The following NMNAT1 variants were observed in gnomAD, a reference collection of about 807,000 sequenced individuals.
The protein encoded by NMNAT1 is nicotinamide nucleotide adenylyltransferase 1.
Under a neutral mutation model 16.7 loss-of-function variants are expected in NMNAT1, and 11 were observed. The observed-to-expected ratio is 0.66, with a 90% CI of 0.41 to 1.09. NMNAT1 has a LOEUF of 1.09. Ranked by LOEUF, NMNAT1 falls within the 50% of genes least tolerant of loss-of-function variation. The pLI is 0.00. For synonymous variants in NMNAT1, 110 were observed against 119.8 expected (o/e 0.92, Z 0.53); for missense variants, 280 against 332.3 (o/e 0.84, Z 1.22).
chr1:9,960,713 C>G (rs758808301), intron 1 of NMNAT1: 1 of 152,162 alleles, frequency 6.6e-6, no homozygotes, highest in Non-Finnish European at 1.5e-5. Context: ...GGGACACTTA[C>G]AGCCTGAGCT....
intron 1 of NMNAT1, among the ~76,000 whole-genome samples, chr1:9,970,620 C>T (rs544357566): frequency 1.3e-5 from 2 of 150,834 alleles, no homozygotes; most frequent in African/African-American, 4.9e-5. Context: ...ACCTGGGAGG[C>T]GGAGCTTGCA....
At chr1:9,962,053 C>T (rs1395906295) in intron 1 of NMNAT1, among the ~76,000 whole-genome samples, 1 of 152,008 alleles carries the variant, frequency 6.6e-6, no homozygotes, top group Non-Finnish European at 1.5e-5. Flanking sequence ...CAGGCATGAC[C>T]TACCGCGCCC....
At chr1:9,974,613 C>T (rs1641765310) in intron 2 of NMNAT1, among the ~76,000 whole-genome samples, 1 of 152,046 alleles carries the variant, frequency 6.6e-6, no homozygotes, top group African/African-American at 2.4e-5. Flanking sequence ...TGGTCTTGAT[C>T]TCCTGACCTC....
At chr1:9,991,538 G>C in the NMNAT1 span, among the ~76,000 whole-genome samples, 1 of 152,086 alleles carries the variant, frequency 6.6e-6, no homozygotes, top group Non-Finnish European at 1.5e-5. Context: ...TGTCACTCTG[G>C]CTTCTCAATG....
chr1:9,974,383 C>G (rs1029569749), intron 2 of NMNAT1, among the ~76,000 whole-genome samples: 5 of 109,310 alleles, frequency 4.6e-5, no homozygotes, highest in African/African-American at 1.7e-4. Flanking sequence ...GCCACCACAT[C>G]TGGCTAATTT....
chr1:9,970,509 G>A (rs539743594), intron 1 of NMNAT1, among the ~76,000 whole-genome samples: 2 of 152,128 alleles, frequency 1.3e-5, no homozygotes, highest in Non-Finnish European at 2.9e-5. Flanking sequence ...CTAACATGAT[G>A]AAACCCCGTC....
the NMNAT1 span, among the ~76,000 whole-genome samples, chr1:9,996,731 G>A: frequency 6.6e-6 from 1 of 152,108 alleles, no homozygotes; most frequent in Non-Finnish European, 1.5e-5. Context: ...ATGACCAGGA[G>A]GTAACAAGCA....
chr1:9,994,487 A>G, the NMNAT1 span, among the ~76,000 whole-genome samples: 1 of 151,818 alleles, frequency 6.6e-6, no homozygotes, highest in Non-Finnish European at 1.5e-5. Flanking sequence ...CTGGAGTGCA[A>G]TGGCACGGTC....
At chr1:9,974,289 G>A (rs1041341773) in intron 2 of NMNAT1, among the ~76,000 whole-genome samples, 1 of 151,174 alleles carries the variant, frequency 6.6e-6, no homozygotes, top group African/African-American at 2.4e-5. Context: ...ACAGTGGCAT[G>A]ATCACAGCTC....
At chr1:9,990,588 C>T in the NMNAT1 span, among the ~76,000 whole-genome samples, 62 of 152,152 alleles carry the variant, frequency 4.1e-4, no homozygotes, top group Non-Finnish European at 6.6e-4. Flanking sequence ...GGAGCCAGAC[C>T]AAACTGCCTA....
rs369028149 is a variant in NMNAT1 at position 9,953,765 on chromosome 1, G to A, written c.-57+10250G>A. Among the ~76,000 whole-genome samples the A allele has an allele frequency of 2.6e-4, 36 of 137,294 alleles. No homozygotes were observed. The East Asian group carries it at 2.8e-3, about 11-fold the overall frequency. 90.1% of individuals were successfully genotyped at this position (137,294 alleles called of 152,430 possible). ...CCTATTTTTTCATTTTAAAAAATTC[G>A]GACATAGTTTTTGCTGAAATCATAT... On this transcript the variant is annotated intron_variant, in intron 1 of 4. Transcript: ENST00000377205.
chr1:9,948,169 A>AGATG (rs1326911329), intron 1 of NMNAT1, among the ~76,000 whole-genome samples: 1 of 152,194 alleles, frequency 6.6e-6, no homozygotes, highest in Admixed American at 6.6e-5. Context: ...AGATGAGAAC[A>AGATG]GATGAACAGT....
At chr1:9,964,723 C>T (rs867716311) in intron 1 of NMNAT1, among the ~76,000 whole-genome samples, 8 of 151,242 alleles carry the variant, frequency 5.3e-5, no homozygotes, top group Admixed American at 4.0e-4. Flanking sequence ...CCGAGGCAGG[C>T]GGATCATGAG....
In NMNAT1 at chr1:9,982,464, T is replaced by C. The variant is rs368456221; in HGVS notation, c.603T>C (p.Asp201=). The C allele has an allele frequency of 5.0e-6, 8 of 1,614,000 alleles. No individual in the cohort carries two copies. The African/African-American group carries it at 9.3e-5, about 19-fold the overall frequency. Residue 201 remains aspartate, a synonymous_variant, in exon 5 of 5, where the codon GAT becomes GAC. Coordinates refer to ENST00000377205, the MANE Select transcript of NMNAT1 (RefSeq NM_022787.4). ...CTCAGAAGTTTATCTATGAATCGGA[T>C]GTGCTGTGGAAACACCGGAGCAACA... ...NDAQKFIYES[D]VLWKHRSNIH...
intron 1 of NMNAT1, among the ~76,000 whole-genome samples, chr1:9,961,625 G>A (rs962792721): frequency 2.6e-5 from 4 of 152,160 alleles, no homozygotes; most frequent in African/African-American, 9.7e-5. Flanking sequence ...TAACTGAAAG[G>A]TAAGACATTT....
At chr1:9,996,321 A>AAG in the NMNAT1 span, among the ~76,000 whole-genome samples, 2,558 of 150,484 alleles carry the variant, frequency 0.017, 31 homozygotes, top group Non-Finnish European at 0.026. Context: ...AAAAAAAAAA[A>AAG]AAAAAGAAAA....
intron 1 of NMNAT1, among the ~76,000 whole-genome samples, chr1:9,953,199 G>A (rs1641159229): frequency 6.6e-6 from 1 of 150,946 alleles, no homozygotes; most frequent in Non-Finnish European, 1.5e-5. Context: ...ATCCAGGATG[G>A]TCTCGATCTC....
chr1:9,979,443 C>T (rs199930919), intron 3 of NMNAT1, among the ~76,000 whole-genome samples: 1 of 151,916 alleles, frequency 6.6e-6, no homozygotes, highest in East Asian at 1.9e-4. Context: ...CCATCCTGGG[C>T]AATAGAGTGA....
intron 1 of NMNAT1, among the ~76,000 whole-genome samples, chr1:9,971,281 A>G (rs1045904733): frequency 1.6e-4 from 25 of 152,166 alleles, no homozygotes; most frequent in Admixed American, 7.9e-4. Context: ...GGAGATGTGG[A>G]AACATTTTTA....
Sources: gnomAD v4.1 joint callset for allele counts (sites outside exome capture counted in the v4.1 genomes callset) on GRCh38, gnomAD v4.1.1 for gene constraint, MANE v1.5 for transcripts, NCBI Gene and HGNC (gene_info 2026-07-23, HGNC 2026-07-21) for gene names.